ZBTB20: variants seen among roughly 807,000 people sequenced by gnomAD.
ZBTB20 encodes zinc finger and BTB domain-containing protein 20.
ZBTB20 carries 9 observed loss-of-function variants against 56.9 expected under a neutral mutation model. That is an observed-to-expected ratio of 0.16 (90% CI 0.10 to 0.28). The LOEUF is 0.28. ZBTB20 is among the 10% of genes least tolerant of loss of function. The probability of loss-of-function intolerance (pLI) is 1.00; values close to 1 mark genes in which losing one functional copy is unlikely to be tolerated. For missense variants in ZBTB20, 655 were observed against 1,003.0 expected, an observed-to-expected ratio of 0.65 and a Z score of 4.69; for synonymous variants, 417 against 420.7, an observed-to-expected ratio of 0.99 and a Z score of 0.11.
At chr3:114,959,560 C>T (rs1201941855) in intron 3 of ZBTB20, among the ~76,000 whole-genome samples, 1 of 151,948 alleles carries the variant, frequency 6.6e-6, no homozygotes, top group Non-Finnish European at 1.5e-5. Flanking sequence ...ACACCAACAC[C>T]AAATGCGGTT....
chr3:114,652,151 A>G (rs1168255970), intron 6 of ZBTB20, among the ~76,000 whole-genome samples: 1 of 152,082 alleles, frequency 6.6e-6, no homozygotes, highest in East Asian at 1.9e-4. Flanking sequence ...TATATTTACC[A>G]CCATAACAGA....
At chr3:114,780,372 A>G (rs2069989711) in intron 5 of ZBTB20, among the ~76,000 whole-genome samples, 1 of 152,258 alleles carries the variant, frequency 6.6e-6, no homozygotes, top group Non-Finnish European at 1.5e-5. Context: ...GTGAAGAGTG[A>G]GGAAAAACAG....
chr3:115,083,669 G>A (rs1265350156), intron 1 of ZBTB20, among the ~76,000 whole-genome samples: 1 of 151,944 alleles, frequency 6.6e-6, no homozygotes, highest in Non-Finnish European at 1.5e-5. Flanking sequence ...TATAGCTCAT[G>A]CTATAATTCC....
chr3:114,660,481 C>A (rs1328957910), intron 6 of ZBTB20, among the ~76,000 whole-genome samples: 1 of 152,158 alleles, frequency 6.6e-6, no homozygotes, highest in Non-Finnish European at 1.5e-5. Context: ...AATTTCCCAC[C>A]CTGGCCTAGC....
chr3:114,587,290 C>T lies in ZBTB20; in HGVS notation c.-294-86899G>A, dbSNP rs187045074. On this transcript the variant is annotated intron_variant, in intron 6 of 11. Transcript: ENST00000675478. Reference sequence around the variant, plus strand: ...GGGATTACAGGTGTGAGCCACCGTGCCTGGCCCAATTCTAGGTATAACTCT... The same window carrying T: ...GGGATTACAGGTGTGAGCCACCGTGTCTGGCCCAATTCTAGGTATAACTCT... 6.6e-5 allele frequency among the ~76,000 whole-genome samples: 10 copies of T among 152,192 alleles called. No individual in the cohort carries two copies. In the East Asian group the frequency reaches 1.9e-3, roughly 29 times the overall value.
At chr3:114,633,513 C>T (rs545352601) in intron 6 of ZBTB20, among the ~76,000 whole-genome samples, 1 of 152,266 alleles carries the variant, frequency 6.6e-6, no homozygotes, top group Non-Finnish European at 1.5e-5. Context: ...AGGAATCAGG[C>T]TCTGCAGAAC....
intron 1 of ZBTB20, among the ~76,000 whole-genome samples, chr3:115,093,297 T>A (rs1279867177): frequency 6.6e-6 from 1 of 152,166 alleles, no homozygotes; most frequent in East Asian, 1.9e-4. Context: ...TAAGTGAAAC[T>A]ACTGTGTATA....
At chr3:114,348,655 C>A (rs181840409) in intron 11 of ZBTB20, among the ~76,000 whole-genome samples, 2 of 152,326 alleles carry the variant, frequency 1.3e-5, no homozygotes, top group East Asian at 3.9e-4. Flanking sequence ...CATTACCCTG[C>A]AAAGAAGGCA....
intron 5 of ZBTB20, among the ~76,000 whole-genome samples, chr3:114,732,116 T>C (rs1168155698): frequency 6.6e-6 from 1 of 152,150 alleles, no homozygotes; most frequent in East Asian, 1.9e-4. Context: ...TAATAATCCA[T>C]TCTAGACTGT....
intron 7 of ZBTB20, among the ~76,000 whole-genome samples, chr3:114,466,923 C>T (rs996942950): frequency 6.6e-6 from 1 of 152,170 alleles, no homozygotes; most frequent in African/African-American, 2.4e-5. Flanking sequence ...GTTTCAGTGA[C>T]TTGAGGAATA....
At chr3:114,638,848 A>G (rs2059411274) in intron 6 of ZBTB20, among the ~76,000 whole-genome samples, 1 of 152,130 alleles carries the variant, frequency 6.6e-6, no homozygotes, top group Non-Finnish European at 1.5e-5. Context: ...GAAATAAGAC[A>G]GTAGAATAAG....
At position 114,796,924 on chromosome 3, in the gene ZBTB20, T is replaced by C. The variant is rs140618631; in HGVS notation, c.-343+4177A>G. On this transcript the variant is annotated intron_variant, in intron 5 of 11. Transcript: ENST00000675478. ...ATCCATAGTGAAATAATTGAAGTCA[T>C]GTAACTCTGAGAAGCTGTGTCAAGT... Among the ~76,000 whole-genome samples, 1,493 of 151,978 alleles carry C rather than the reference T, an allele frequency of 9.8e-3. 8 individuals carry two copies. Among genetic ancestry groups the C allele is most frequent in the Middle Eastern group, 0.017 (5 of 294 alleles).
intron 7 of ZBTB20, among the ~76,000 whole-genome samples, chr3:114,438,946 A>G (rs543090316): frequency 1.3e-5 from 2 of 152,246 alleles, no homozygotes; most frequent in Admixed American, 6.5e-5. Context: ...GGAAAAGCAC[A>G]TACCACAACT....
At chr3:114,552,881 T>A (rs1056399275) in intron 6 of ZBTB20, among the ~76,000 whole-genome samples, 6 of 152,236 alleles carry the variant, frequency 3.9e-5, no homozygotes, top group African/African-American at 1.4e-4. Context: ...TGTTACTTCG[T>A]GTTACATTTT....
At chr3:114,708,040 A>G (rs2108419998) in intron 5 of ZBTB20, among the ~76,000 whole-genome samples, 1 of 152,318 alleles carries the variant, frequency 6.6e-6, no homozygotes, top group Middle Eastern at 3.4e-3. Flanking sequence ...CAGTTAGGAC[A>G]AGCAAGAGAG....
In ZBTB20 at chr3:114,479,073, G is replaced by A. The variant is rs1001092039; in HGVS notation, c.-255+21279C>T. Among the ~76,000 whole-genome samples, 67 of 148,502 alleles carry A rather than the reference G, an allele frequency of 4.5e-4. 1 individual carries two copies. The highest frequency in any genetic ancestry group is 1.4e-3 in the Admixed American group (21 of 14,860). ...TCTGGTCTGTTCCTCTATTGGGGGG[G>A]GGCCACAGTAGGGTGTTTTTTCAGG... On this transcript the variant is annotated intron_variant, in intron 7 of 11. Coordinates refer to ENST00000675478, the MANE Select transcript of ZBTB20 (RefSeq NM_001348800.3).
At position 114,351,066 on chromosome 3, in the gene ZBTB20, C is replaced by G. The variant is rs756784786; in HGVS notation, c.1012G>C (p.Asp338His). The G allele has an allele frequency of 6.2e-7, 1 of 1,611,492 alleles. No individual in the cohort carries two copies. Among genetic ancestry groups the G allele is most frequent in the East Asian group, 2.2e-5 (1 of 44,702 alleles). The change falls in exon 11 of 12, where the codon GAC (aspartate) becomes CAC (histidine). Residue 338 changes from aspartate (D) to histidine (H), a missense_variant. Physicochemically the swap from Asp to His is moderately conservative, Grantham distance 81 (BLOSUM62 -1). Transcript: ENST00000675478. ...HIKQEMEDDY[D>H]YYGQQRVQIL... ...TGCACCCTTTGCTGCCCGTAGTAGTCGTAATCGTCCTCCATCTCCTGCTTG... is the reference window on the plus strand; with the variant it reads ...TGCACCCTTTGCTGCCCGTAGTAGTGGTAATCGTCCTCCATCTCCTGCTTG...
chr3:114,787,366 T>TATATATATATATATATAC (rs1278656494), intron 5 of ZBTB20, among the ~76,000 whole-genome samples: 4 of 82,910 alleles, frequency 4.8e-5, no homozygotes, highest in Admixed American at 4.0e-4. Context: ...TATATATATA[T>TATATATATATATATATAC]ATACACACAC....
chr3:115,114,054 A>C (rs1384706540), intron 1 of ZBTB20, among the ~76,000 whole-genome samples: 2 of 152,138 alleles, frequency 1.3e-5, no homozygotes, highest in East Asian at 3.8e-4. Flanking sequence ...AGCAATAGAT[A>C]TTTTAAAAGA....
Sources: gnomAD v4.1 joint callset for allele counts (sites outside exome capture counted in the v4.1 genomes callset) on GRCh38, gnomAD v4.1.1 for gene constraint, MANE v1.5 for transcripts, NCBI Gene and HGNC (gene_info 2026-07-23, HGNC 2026-07-21) for gene names.